VAT1L: variants seen among roughly 807,000 people sequenced by gnomAD.
VAT1L encodes the protein putative NADPH-dependent quinone oxidoreductase VAT1L.
A neutral mutation model predicts 44.1 loss-of-function variants in VAT1L; 34 were observed. The observed-to-expected ratio is 0.77, with a 90% confidence interval of 0.59 to 1.03. The LOEUF (loss-of-function observed/expected upper bound fraction) is 1.03. Ranked by LOEUF, VAT1L falls within the 50% of genes least tolerant of loss-of-function variation. The pLI is 0.00. For synonymous variants in VAT1L, 253 were observed against 202.2 expected, an observed-to-expected ratio of 1.25 and a Z score of -2.13; for missense variants, 615 against 538.8, an observed-to-expected ratio of 1.14 and a Z score of -1.40.
At chr16:77,822,180 G>C (rs765057544) in intron 2 of VAT1L, among the ~76,000 whole-genome samples, 12 of 152,014 alleles carry the variant, frequency 7.9e-5, no homozygotes, top group Admixed American at 1.3e-4. Context: ...TGTTGCCCAG[G>C]CTGGAGTGCA....
intron 7 of VAT1L, among the ~76,000 whole-genome samples, chr16:77,916,866 T>G (rs932596407): frequency 1.3e-5 from 2 of 151,878 alleles, no homozygotes; most frequent in Non-Finnish European, 2.9e-5. Context: ...CCCACTTTGT[T>G]GTTGGCAAAG....
Position 77,938,917 on chromosome 16 carries a change from G to T in VAT1L, c.1078-32933G>T, listed in dbSNP as rs146537522. 2.8e-3 allele frequency among the ~76,000 whole-genome samples: 430 copies of T among 152,284 alleles called. 1 individual carries two copies. Among genetic ancestry groups the T allele is most frequent in the African/African-American group, 9.8e-3 (408 of 41,552 alleles). On this transcript the variant is annotated intron_variant, in intron 7 of 8. Coordinates refer to ENST00000302536, the MANE Select transcript of VAT1L (RefSeq NM_020927.3). The stretch of plus-strand genomic sequence containing the variant: ...TCTAAAGAAGAGGCAGATAAAAGGG[G>T]AAACAGGAGTGTGGGGATGGGAGAG...
At chr16:77,895,452 A>G (rs529655122) in intron 7 of VAT1L, among the ~76,000 whole-genome samples, 98 of 152,318 alleles carry the variant, frequency 6.4e-4, no homozygotes, top group African/African-American at 2.0e-3. Flanking sequence ...AGATGGATCC[A>G]ATACAATCAC....
rs1219436246 is a variant in VAT1L, at chr16:77,788,764, G to T, written c.82G>T (p.Gly28Cys). The stretch of plus-strand genomic sequence containing the variant: ...GGCAGGCAAGGAGCCGGCGGAGGGC[G>T]GCGGCGGCGACGGCTCGCACCGCCT... ...KEAGKEPAEGGGGDGSHRLGD... is the reference protein window; with the variant it reads ...KEAGKEPAEGCGGDGSHRLGD... The change falls in exon 1 of 9, where the codon GGC becomes TGC. Residue 28 changes from glycine (G) to cysteine (C), a missense_variant. Coordinates refer to ENST00000302536, the MANE Select transcript of VAT1L (RefSeq NM_020927.3). 2.6e-6 allele frequency: 4 copies of T among 1,562,652 alleles called. No individual in the cohort carries two copies. Among genetic ancestry groups the T allele is most frequent in the Non-Finnish European group, 3.5e-6 (4 of 1,153,592 alleles).
chr16:77,788,653 C>T lies in VAT1L; in HGVS notation c.-30C>T. 6.5e-7 allele frequency: 1 copy of T among 1,545,944 alleles called. No individual in the cohort carries two copies. The highest frequency in any genetic ancestry group is 1.2e-5 in the South Asian group (1 of 83,832). ...AGCGCCGCAGCCACCGCAGCCACCG[C>T]AGCCCGTGCGCCCCGCGCCCTCGAG... On this transcript the variant is annotated 5_prime_UTR_variant, in exon 1 of 9. Transcript: ENST00000302536.
intron 7 of VAT1L, among the ~76,000 whole-genome samples, chr16:77,934,185 C>T (rs1325092197): frequency 1.3e-5 from 2 of 151,936 alleles, no homozygotes; most frequent in African/African-American, 4.8e-5. Flanking sequence ...GGATGTTAAA[C>T]CAACCAGATT....
chr16:77,803,482 C>T (rs1301922799), intron 1 of VAT1L, among the ~76,000 whole-genome samples: 5 of 132,606 alleles, frequency 3.8e-5, no homozygotes, highest in African/African-American at 5.8e-5. Flanking sequence ...TGCAATGGTG[C>T]GATCTCGGCT....
chr16:77,913,875 A>G (rs1220372314), intron 7 of VAT1L, among the ~76,000 whole-genome samples: 1 of 152,234 alleles, frequency 6.6e-6, no homozygotes, highest in African/African-American at 2.4e-5. Context: ...TGAAAGAGCC[A>G]GGACCAACTC....
At chr16:77,973,329 G>A (rs1479601111) in intron 8 of VAT1L, among the ~76,000 whole-genome samples, 1 of 152,152 alleles carries the variant, frequency 6.6e-6, no homozygotes, top group East Asian at 1.9e-4. Context: ...TTATCACCCA[G>A]GCTGGAGTGC....
At chr16:77,925,507 A>G (rs1182059483) in intron 7 of VAT1L, among the ~76,000 whole-genome samples, 3 of 152,160 alleles carry the variant, frequency 2.0e-5, no homozygotes, top group Non-Finnish European at 2.9e-5. Context: ...GCTTCAATCA[A>G]TATTGCTTTT....
In VAT1L at chr16:77,884,129, T is replaced by C. The variant is rs191900195; in HGVS notation, c.883-479T>C. Among the ~76,000 whole-genome samples, 1 of 152,110 alleles carries C rather than the reference T, an allele frequency of 6.6e-6. No homozygotes were observed. The highest frequency in any genetic ancestry group is 2.4e-5 in the African/African-American group (1 of 41,412). ...CTCATAAGCATCAATGTCTATTGCTTCCCATGCACTTGCAACAGTGCCTAG... is the reference window on the plus strand; with the variant it reads ...CTCATAAGCATCAATGTCTATTGCTCCCCATGCACTTGCAACAGTGCCTAG... On this transcript the variant is annotated intron_variant, in intron 6 of 8. Coordinates refer to ENST00000302536, the MANE Select transcript of VAT1L (RefSeq NM_020927.3). The surrounding 1 kb of genome is among the most constrained non-coding windows in gnomAD (Gnocchi z 4.5).
At position 77,788,802 on chromosome 16, in the gene VAT1L, G is replaced by A. The variant is rs1225889746; in HGVS notation, c.120G>A (p.Gln40=). 6.4e-7 allele frequency: 1 copy of A among 1,573,356 alleles called. No individual in the cohort carries two copies. The highest frequency in any genetic ancestry group is 8.6e-7 in the Non-Finnish European group (1 of 1,160,488). ...GCTCGCACCGCCTCGGGGACGCCCA[G>A]GAGATGCGCGCGGTGGTGCTGGCTG... ...GDGSHRLGDA[Q]EMRAVVLAGF... The change falls in exon 1 of 9, where the codon CAG becomes CAA. Residue 40 remains glutamine (Q), a synonymous_variant. Coordinates refer to ENST00000302536, the MANE Select transcript of VAT1L (RefSeq NM_020927.3).
At chr16:77,866,127 A>C (rs983799092) in intron 4 of VAT1L, among the ~76,000 whole-genome samples, 2 of 152,196 alleles carry the variant, frequency 1.3e-5, no homozygotes, top group Admixed American at 6.5e-5. Flanking sequence ...CGTCCTAGCA[A>C]ACCTACCCTC....
intron 7 of VAT1L, among the ~76,000 whole-genome samples, chr16:77,914,923 C>T (rs1452121421): frequency 6.6e-6 from 1 of 152,068 alleles, no homozygotes; most frequent in Non-Finnish European, 1.5e-5. Context: ...GTCGGGAGTT[C>T]GAGACCAGCC....
intron 4 of VAT1L, among the ~76,000 whole-genome samples, chr16:77,875,566 G>C (rs2017079011): frequency 6.6e-6 from 1 of 152,124 alleles, no homozygotes; most frequent in South Asian, 2.1e-4. Context: ...CTAAGAGTGG[G>C]AGCCCAGTAA....
chr16:77,833,561 G>A (rs1404730571), intron 3 of VAT1L, among the ~76,000 whole-genome samples: 2 of 152,062 alleles, frequency 1.3e-5, no homozygotes, highest in Non-Finnish European at 2.9e-5. Context: ...GACCATCCTG[G>A]CCAACACGGT....
intron 7 of VAT1L, among the ~76,000 whole-genome samples, chr16:77,926,258 A>T (rs2017667450): frequency 4.3e-5 from 1 of 23,326 alleles, no homozygotes; most frequent in Non-Finnish European, 7.7e-5. Context: ...GTCTCAAAGT[A>T]AAAAAAAAAA....
chr16:77,846,438 C>A (rs552753710), intron 3 of VAT1L, among the ~76,000 whole-genome samples: 1 of 152,170 alleles, frequency 6.6e-6, no homozygotes, highest in African/African-American at 2.4e-5. Context: ...CTGCCGTATA[C>A]TGATGAAAGA....
chr16:77,788,971 AG>A, intron 1 of VAT1L, 56 bp downstream of exon 1: 1 of 1,123,772 alleles, frequency 8.9e-7, no homozygotes. Context: ...GGCGCTGGGG[AG>A]GGGGTGGGAA....
Sources: gnomAD v4.1 joint callset for allele counts (sites outside exome capture counted in the v4.1 genomes callset) on GRCh38, gnomAD v4.1.1 for gene constraint, Gnocchi (gnomAD v3.1) non-coding constraint, MANE v1.5 for transcripts, NCBI Gene and HGNC (gene_info 2026-07-23, HGNC 2026-07-21) for gene names.